SND1: variants seen among roughly 807,000 people sequenced by gnomAD.
SND1 encodes staphylococcal nuclease domain-containing protein 1.
A neutral mutation model predicts 121.7 loss-of-function variants in SND1; 38 were observed. The ratio of observed to expected loss-of-function variants is 0.31; its 90% CI spans 0.24 to 0.41. The LOEUF (loss-of-function observed/expected upper bound fraction) is 0.41. Ranked by LOEUF, SND1 falls within the 10% of genes least tolerant of loss-of-function variation. The pLI is 1.00. For missense variants in SND1, 868 were observed against 1,184.6 expected, an observed-to-expected ratio of 0.73 and a Z score of 3.92; for synonymous variants, 401 against 447.4, an observed-to-expected ratio of 0.90 and a Z score of 1.31.
intron 9 of SND1, 108 bp from the exon 10 acceptor site, chr7:127,721,179 A>G (rs1796489510): frequency 1.6e-6 from 1 of 642,876 alleles, no homozygotes; most frequent in Non-Finnish European, 2.8e-6. Context: ...TTTTTCCCAC[A>G]AATGGCTATT....
intron 15 of SND1, among the ~76,000 whole-genome samples, chr7:127,990,368 T>G (rs1802492772): frequency 6.6e-6 from 1 of 152,206 alleles, no homozygotes; most frequent in Non-Finnish European, 1.5e-5. Context: ...TTGCTTTTTT[T>G]TCTGTCTCTC....
chr7:128,082,320 C>A (rs1374262716), intron 18 of SND1, among the ~76,000 whole-genome samples: 1 of 152,254 alleles, frequency 6.6e-6, no homozygotes, highest in Non-Finnish European at 1.5e-5. Flanking sequence ...CACAGGTGGA[C>A]AGAGGGGGCT....
intron 1 of SND1, among the ~76,000 whole-genome samples, chr7:127,676,080 AT>A (rs1367480006): frequency 1.3e-5 from 2 of 152,134 alleles, no homozygotes; most frequent in African/African-American, 4.8e-5. Context: ...AGTCATCGAT[AT>A]TTTGGCTCAT....
intron 12 of SND1, among the ~76,000 whole-genome samples, chr7:127,857,534 C>T (rs1416575961): frequency 4.0e-4 from 57 of 143,886 alleles, no homozygotes; most frequent in Admixed American, 9.6e-4. Context: ...TTTTTTTCTT[C>T]GTAGCACAGT....
intron 12 of SND1, among the ~76,000 whole-genome samples, chr7:127,873,801 A>C (rs1464911065): frequency 6.6e-6 from 1 of 152,130 alleles, no homozygotes; most frequent in Non-Finnish European, 1.5e-5. Flanking sequence ...ACATGCCACC[A>C]CACCCAGCTG....
At chr7:128,031,568 A>T (rs1230830344) in intron 16 of SND1, 1 of 150,414 alleles carries the variant, frequency 6.6e-6, no homozygotes, top group Non-Finnish European at 1.5e-5. Context: ...TCAGTTCTCC[A>T]GTCCGCCGGC....
chr7:127,955,933 C>T (rs1164951063), intron 15 of SND1, among the ~76,000 whole-genome samples: 1 of 152,158 alleles, frequency 6.6e-6, no homozygotes, highest in Non-Finnish European at 1.5e-5. Context: ...CCCCCACCAT[C>T]CGCTCTTCCT....
chr7:127,723,690 T>C (rs2116393646), intron 10 of SND1, among the ~76,000 whole-genome samples: 1 of 152,290 alleles, frequency 6.6e-6, no homozygotes, highest in Non-Finnish European at 1.5e-5. Flanking sequence ...GTGTCAAGGA[T>C]GAGAAGTGAG....
intron 14 of SND1, among the ~76,000 whole-genome samples, chr7:127,914,315 C>A (rs950348718): frequency 2.0e-5 from 3 of 152,148 alleles, no homozygotes; most frequent in Non-Finnish European, 2.9e-5. Flanking sequence ...TTTGTTGAAT[C>A]ACATTTCTTC....
intron 13 of SND1, among the ~76,000 whole-genome samples, chr7:127,897,309 A>G (rs957092179): frequency 6.6e-6 from 1 of 152,174 alleles, no homozygotes; most frequent in African/African-American, 2.4e-5. Flanking sequence ...CCATTTTCCA[A>G]ACTGAACATT....
chr7:127,873,263 G>A (rs896390253), intron 12 of SND1, among the ~76,000 whole-genome samples: 4 of 152,098 alleles, frequency 2.6e-5, no homozygotes, highest in East Asian at 1.9e-4. Flanking sequence ...TAGAGAACAC[G>A]TCATTAAGTT....
At chr7:127,833,582 G>A (rs1408510184) in intron 11 of SND1, among the ~76,000 whole-genome samples, 2 of 152,060 alleles carry the variant, frequency 1.3e-5, no homozygotes, top group African/African-American at 4.8e-5. Context: ...TCTTATTGAA[G>A]TAACCAGTAG....
chr7:127,778,070 A>G (rs1210250219), intron 10 of SND1, among the ~76,000 whole-genome samples: 1 of 152,188 alleles, frequency 6.6e-6, no homozygotes, highest in Non-Finnish European at 1.5e-5. Flanking sequence ...GGGCTTTCTC[A>G]GAAGTTAGCA....
chr7:127,985,982 G>A (rs1282685844), intron 15 of SND1, among the ~76,000 whole-genome samples: 10 of 152,126 alleles, frequency 6.6e-5, no homozygotes, highest in Non-Finnish European at 1.2e-4. Flanking sequence ...TCTCTTAGTG[G>A]TGGAATAAGT....
At chr7:127,910,621 T>G (rs1800434316) in intron 14 of SND1, among the ~76,000 whole-genome samples, 1 of 152,158 alleles carries the variant, frequency 6.6e-6, no homozygotes, top group Admixed American at 6.5e-5. Flanking sequence ...CCTCATATGA[T>G]TCTAATGTTC....
chr7:127,665,189 A>ATT (rs35105011), intron 1 of SND1, among the ~76,000 whole-genome samples: 2 of 141,860 alleles, frequency 1.4e-5, no homozygotes, highest in Non-Finnish European at 1.5e-5. Flanking sequence ...GACAGTCAAC[A>ATT]TTTTTTTTTT....
intron 1 of SND1, among the ~76,000 whole-genome samples, chr7:127,660,234 G>GT (rs1285234777): frequency 6.6e-6 from 1 of 152,132 alleles, no homozygotes; most frequent in African/African-American, 2.4e-5. Flanking sequence ...GTTCTAGTGG[G>GT]TTTTATTCAC....
chr7:127,691,314 G>A (rs913523805), intron 2 of SND1, among the ~76,000 whole-genome samples: 5 of 152,030 alleles, frequency 3.3e-5, no homozygotes, highest in East Asian at 1.9e-4. Flanking sequence ...AGGCCGAGGC[G>A]GGCGGATCAT....
chr7:127,674,545 T>C (rs1795583848), intron 1 of SND1, among the ~76,000 whole-genome samples: 1 of 152,238 alleles, frequency 6.6e-6, no homozygotes, highest in African/African-American at 2.4e-5. Context: ...GCTGGTTTAA[T>C]CTTCAGGTCC....
Sources: gnomAD v4.1 joint callset for allele counts (sites outside exome capture counted in the v4.1 genomes callset) on GRCh38, gnomAD v4.1.1 for gene constraint, MANE v1.5 for transcripts, NCBI Gene and HGNC (gene_info 2026-07-23, HGNC 2026-07-21) for gene names.